NOS1: variants seen among roughly 807,000 people sequenced by gnomAD.
The protein encoded by NOS1 is nitric oxide synthase 1, also known as NOS type I.
Under a neutral mutation model 164.5 loss-of-function variants are expected in NOS1, and 51 were observed. The ratio of observed to expected loss-of-function variants is 0.31; its 90% CI spans 0.25 to 0.39. The LOEUF is 0.39. Ranked by LOEUF, NOS1 falls within the 10% of genes least tolerant of loss-of-function variation. The probability of loss-of-function intolerance (pLI) is 1.00; values close to 1 mark genes in which losing one functional copy is unlikely to be tolerated. For synonymous variants in NOS1, 719 were observed against 745.8 expected, an observed-to-expected ratio of 0.96 and a Z score of 0.59; for missense variants, 1,362 against 1,885.6, an observed-to-expected ratio of 0.72 and a Z score of 5.14.
At chr12:117,253,020 C>T (rs551023258) in intron 17 of NOS1, among the ~76,000 whole-genome samples, 49 of 152,294 alleles carry the variant, frequency 3.2e-4, no homozygotes, top group South Asian at 1.9e-3. Flanking sequence ...TATCTGCCCA[C>T]GTGCTTCCTA....
At chr12:117,359,352 T>A (rs1294407927) in intron 1 of NOS1, among the ~76,000 whole-genome samples, 1 of 150,962 alleles carries the variant, frequency 6.6e-6, no homozygotes, top group Non-Finnish European at 1.5e-5. Flanking sequence ...TCCTATTTTA[T>A]CTTCAGTTCT....
At chr12:117,254,660 C>T (rs973856697) in intron 16 of NOS1, among the ~76,000 whole-genome samples, 4 of 152,006 alleles carry the variant, frequency 2.6e-5, no homozygotes, top group African/African-American at 9.7e-5. Context: ...GGTTGGTACA[C>T]TGCAAACCTC....
At chr12:117,350,435 C>T (rs3782219) in intron 1 of NOS1, among the ~76,000 whole-genome samples, 26,239 of 152,128 alleles carry the variant, frequency 0.17, 2,795 homozygotes, top group East Asian at 0.39. Context: ...AGGACTCCAC[C>T]CTACAATTTG....
chr12:117,232,258 T>G, intron 21 of NOS1, 127 bp from the exon 22 acceptor site: 1 of 741,282 alleles, frequency 1.3e-6, no homozygotes, highest in Non-Finnish European at 2.2e-6. Context: ...CCAAGCAACC[T>G]TCTAGCTCTC....
At chr12:117,229,802 T>C (rs1460423879) in intron 22 of NOS1, among the ~76,000 whole-genome samples, 1 of 152,252 alleles carries the variant, frequency 6.6e-6, no homozygotes, top group Admixed American at 6.5e-5. Context: ...TTGGCTAGGC[T>C]GGGCCCGAAC....
At chr12:117,291,529 CTTTT>C (rs565345654) in intron 3 of NOS1, among the ~76,000 whole-genome samples, 1,154 of 97,380 alleles carry the variant, frequency 0.012, 26 homozygotes, top group African/African-American at 0.044. Context: ...TTACATCTGT[CTTTT>C]TTTTTTTTTT....
At chr12:117,311,960 A>G (rs1230979259) in intron 2 of NOS1, among the ~76,000 whole-genome samples, 1 of 152,162 alleles carries the variant, frequency 6.6e-6, no homozygotes, top group Non-Finnish European at 1.5e-5. Context: ...TCCATGTACC[A>G]TGAACCCCTG....
intron 24 of NOS1, 88 bp downstream of exon 24, chr12:117,226,595 A>G (rs1868695911): frequency 8.9e-7 from 1 of 1,125,006 alleles, no homozygotes; most frequent in African/African-American, 1.5e-5. Context: ...TCTCTCTAGA[A>G]CCCTTCAGAC....
At chr12:117,244,311 T>G (rs1476081713) in intron 18 of NOS1, among the ~76,000 whole-genome samples, 1 of 152,196 alleles carries the variant, frequency 6.6e-6, no homozygotes, top group Admixed American at 6.5e-5. Flanking sequence ...TGGTGTGATC[T>G]TGGCTCACTG....
In NOS1 at chr12:117,210,208, T is replaced by C; in HGVS notation, c.*5101A>G. ...GTTGCCCAAGCTGGTCTCAAACTCC[T>C]GGCCCCAAGTGATCCTCCCACCTCA... On this transcript the variant is annotated 3_prime_UTR_variant, in exon 29 of 29. Transcript: ENST00000317775. 1.3e-6 allele frequency: 1 copy of C among 787,516 alleles called. No homozygotes were observed. Among genetic ancestry groups the C allele is most frequent in the Non-Finnish European group, 1.5e-6 (1 of 650,160 alleles). 48.8% of individuals were successfully genotyped at this position (787,516 alleles called of 1,614,324 possible). A position where few individuals can be genotyped will look rare whatever the true frequency, so the allele number is the denominator to read the frequency against.
chr12:117,219,656 G>A (rs1193042806), intron 27 of NOS1, among the ~76,000 whole-genome samples: 1 of 152,060 alleles, frequency 6.6e-6, no homozygotes, highest in African/African-American at 2.4e-5. Context: ...ATCTTTAAAA[G>A]TGTGTCTAGA....
At chr12:117,232,912 C>T (rs1869371769) in intron 21 of NOS1, among the ~76,000 whole-genome samples, 1 of 151,822 alleles carries the variant, frequency 6.6e-6, no homozygotes, top group Non-Finnish European at 1.5e-5. Context: ...CTCTGTTGCC[C>T]AGGCGAGTGC....
intron 3 of NOS1, among the ~76,000 whole-genome samples, chr12:117,295,398 C>A (rs1457877026): frequency 6.6e-6 from 1 of 152,142 alleles, no homozygotes; most frequent in Non-Finnish European, 1.5e-5. Context: ...TCATTTGAGT[C>A]CATATAGCAT....
At position 117,209,708 on chromosome 12, in the gene NOS1, G is replaced by C; in HGVS notation, c.*5601C>G. On this transcript the variant is annotated 3_prime_UTR_variant, in exon 29 of 29. Transcript: ENST00000317775. ...ATTAATAGGAAACAGACTCTCGACA[G>C]ACACTGCTTTCCACGGGTGAAAGTG... The C allele has an allele frequency of 1.0e-6, 1 of 985,512 alleles. No individual in the cohort carries two copies. The allele number at this position is 985,512 out of a possible 1,614,324, so 61.0% of individuals were successfully genotyped here. A position where few individuals can be genotyped will look rare whatever the true frequency, so the allele number is the denominator to read the frequency against.
rs139899422 is a variant in NOS1, at chr12:117,333,424, T to A, written c.-420-1935A>T. Among the ~76,000 whole-genome samples the A allele has an allele frequency of 1.1e-4, 16 of 152,170 alleles. No homozygotes were observed. In the East Asian group the frequency reaches 2.1e-3, roughly 20 times the overall value. ...TTTCCCTTTTAGCGACTTCCCAGGG[T>A]CACCCCAGGGCTGAGGCAGCTGACA... On this transcript the variant is annotated intron_variant, in intron 1 of 28. Transcript: ENST00000317775.
chr12:117,353,290 T>C (rs1876714612), intron 1 of NOS1, among the ~76,000 whole-genome samples: 1 of 152,122 alleles, frequency 6.6e-6, no homozygotes, highest in Middle Eastern at 3.4e-3. Context: ...CTATTATCTA[T>C]CTATCTGTCT....
At chr12:117,324,715 C>CTAAATAAATAAATAAATAAA (rs56906790) in intron 2 of NOS1, among the ~76,000 whole-genome samples, 4,080 of 149,300 alleles carry the variant, frequency 0.027, 202 homozygotes, top group African/African-American at 0.097. Context: ...GACTCTGTCT[C>CTAAATAAATAAATAAATAAA]TAAATAAATA....
chr12:117,247,997 C>T (rs1292429930), intron 17 of NOS1, among the ~76,000 whole-genome samples: 2 of 150,144 alleles, frequency 1.3e-5, no homozygotes, highest in African/African-American at 4.9e-5. Context: ...CCAGAGTGCT[C>T]TCTCTCTCTC....
rs547362564 is a variant in NOS1, at chr12:117,321,938, C to T, written c.725+8407G>A. On this transcript the variant is annotated intron_variant, in intron 2 of 28. Coordinates refer to ENST00000317775, the MANE Select transcript of NOS1 (RefSeq NM_000620.5). ...CCTCCCTCCCTCCTTCCTTCCCTCC[C>T]TCTCTCCTTCCTTCCCTCCCTCTCT... 5.4e-5 allele frequency among the ~76,000 whole-genome samples: 7 copies of T among 128,450 alleles called. No individual in the cohort carries two copies. The East Asian group carries it at 9.6e-4, about 18-fold the overall frequency. The allele number at this position is 128,450 out of a possible 152,430, so 84.3% of individuals were successfully genotyped here.
Sources: gnomAD v4.1 joint callset for allele counts (sites outside exome capture counted in the v4.1 genomes callset) on GRCh38, gnomAD v4.1.1 for gene constraint, MANE v1.5 for transcripts, NCBI Gene and HGNC (gene_info 2026-07-23, HGNC 2026-07-21) for gene names.